Variants in ACACA observed in about 807,000 individuals in gnomAD.
ACACA encodes acetyl-CoA carboxylase alpha.
In ACACA, 103 loss-of-function variants were observed where a neutral mutation model predicts 296.1. That is an observed-to-expected ratio of 0.35 (90% CI 0.30 to 0.41). The LOEUF (loss-of-function observed/expected upper bound fraction) is 0.41, where lower values mean the gene tolerates loss of function less well. ACACA is among the 10% of genes least tolerant of loss of function. The pLI, the probability that ACACA is intolerant of heterozygous loss-of-function variation, is 1.00. For synonymous variants in ACACA, 953 were observed against 1,038.6 expected (o/e 0.92, Z 1.58); for missense variants, 1,554 against 2,989.7 (o/e 0.52, Z 11.20).
intron 38 of ACACA, 73 bp from the exon 39 acceptor site, chr17:37,188,553 T>G: frequency 1.3e-6 from 2 of 1,534,146 alleles, no homozygotes; most frequent in Non-Finnish European, 1.8e-6. Context: ...TCTGCTCATA[T>G]TTGAGAAAGA....
At chr17:37,107,478 GCCA>G (rs1423393683) in intron 52 of ACACA, among the ~76,000 whole-genome samples, 1 of 152,314 alleles carries the variant, frequency 6.6e-6, no homozygotes, top group Non-Finnish European at 1.5e-5. Context: ...ATCCTCACCT[GCCA>G]CCACAATGCT....
At chr17:37,106,348 G>A (rs2073685999) in intron 52 of ACACA, among the ~76,000 whole-genome samples, 1 of 152,066 alleles carries the variant, frequency 6.6e-6, no homozygotes, top group Non-Finnish European at 1.5e-5. Context: ...TTCTCCCAAT[G>A]TATCTAGCTT....
At chr17:37,162,715 C>A in intron 41 of ACACA, 1 of 235,010 alleles carries the variant, frequency 4.3e-6, no homozygotes, top group Non-Finnish European at 8.2e-6. Flanking sequence ...GCGAATCTTG[C>A]ACCTAATCAT....
At chr17:37,238,109 T>C (rs972718319) in intron 24 of ACACA, among the ~76,000 whole-genome samples, 23 of 152,274 alleles carry the variant, frequency 1.5e-4, no homozygotes, top group African/African-American at 5.5e-4. Context: ...AATCAATCTT[T>C]TCTTTTGTAG....
intron 1 of ACACA, among the ~76,000 whole-genome samples, chr17:37,390,173 T>TACACACACAC (rs1345364710): frequency 2.2e-5 from 1 of 44,972 alleles, no homozygotes; most frequent in African/African-American, 1.1e-4. Context: ...TATATATATA[T>TACACACACAC]ATACACACAC....
At chr17:37,127,792 C>T (rs2074864996) in intron 47 of ACACA, among the ~76,000 whole-genome samples, 1 of 146,822 alleles carries the variant, frequency 6.8e-6, no homozygotes, top group Non-Finnish European at 1.5e-5. Flanking sequence ...TGCAGTGAGC[C>T]GAGATCGCGC....
At chr17:37,162,622 G>T in intron 41 of ACACA, 1 of 276,840 alleles carries the variant, frequency 3.6e-6, no homozygotes, top group Non-Finnish European at 6.8e-6. Flanking sequence ...TGCTATGAAC[G>T]CCTTGGGCAC....
intron 16 of ACACA, among the ~76,000 whole-genome samples, chr17:37,250,054 G>A (rs1255574872): frequency 6.6e-6 from 1 of 152,150 alleles, no homozygotes; most frequent in African/African-American, 2.4e-5. Flanking sequence ...TGATTGTGAG[G>A]CCTCCCCAGC....
intron 24 of ACACA, 126 bp downstream of exon 24, chr17:37,240,350 G>A: frequency 1.3e-6 from 1 of 777,064 alleles, no homozygotes; most frequent in Non-Finnish European, 2.2e-6. Flanking sequence ...ATAGGAGACT[G>A]TTTATTAATG....
At chr17:37,349,242 G>A (rs1009829370) in intron 1 of ACACA, among the ~76,000 whole-genome samples, 1 of 150,234 alleles carries the variant, frequency 6.7e-6, no homozygotes, top group African/African-American at 2.4e-5. Context: ...TATATTTTTA[G>A]TAGAGATGAG....
At chr17:37,291,121 A>G (rs1269563980) in intron 3 of ACACA, among the ~76,000 whole-genome samples, 4 of 138,382 alleles carry the variant, frequency 2.9e-5, no homozygotes, top group Non-Finnish European at 6.1e-5. Context: ...ACTAACACTA[A>G]TGATAGCTGA....
intron 42 of ACACA, among the ~76,000 whole-genome samples, chr17:37,156,356 C>T (rs2076253170): frequency 6.6e-6 from 1 of 152,150 alleles, no homozygotes; most frequent in South Asian, 2.1e-4. Flanking sequence ...AGCCACTGCT[C>T]CCGGCCTCAT....
At chr17:37,373,041 C>T (rs2049862878) in intron 1 of ACACA, among the ~76,000 whole-genome samples, 1 of 151,752 alleles carries the variant, frequency 6.6e-6, no homozygotes, top group Admixed American at 6.6e-5. Flanking sequence ...CCACGACGCC[C>T]AGATAATTTT....
chr17:37,085,718 C>T lies in ACACA; in HGVS notation c.*1598G>A. 2.5e-6 allele frequency: 1 copy of T among 399,236 alleles called. No homozygotes were observed. Among genetic ancestry groups the T allele is most frequent in the Non-Finnish European group, 4.4e-6 (1 of 226,222 alleles). The allele number at this position is 399,236 out of a possible 1,614,324, so 24.7% of individuals were successfully genotyped here. On this transcript the variant is annotated 3_prime_UTR_variant, in exon 56 of 56. Coordinates refer to ENST00000616317, the MANE Select transcript of ACACA (RefSeq NM_198834.3). ...TACAGTGCCCACCTGCAACCCAGAA[C>T]CATTGAAAAGTCCAGCCAATCTATC...
At chr17:37,214,262 A>C (rs1419737016) in intron 29 of ACACA, among the ~76,000 whole-genome samples, 1 of 152,164 alleles carries the variant, frequency 6.6e-6, no homozygotes. Flanking sequence ...TGTAAAACAC[A>C]TCTGAACCAC....
At chr17:37,111,711 G>C (rs1233383961) in intron 51 of ACACA, 68 bp from the exon 52 acceptor site, 12 of 1,188,250 alleles carry the variant, frequency 1.0e-5, no homozygotes, top group Non-Finnish European at 1.5e-5. Flanking sequence ...ACAACAGAAT[G>C]AGGCCAGTTA....
chr17:37,091,394 G>A (rs1282482821), intron 54 of ACACA, among the ~76,000 whole-genome samples: 1 of 152,202 alleles, frequency 6.6e-6, no homozygotes, highest in Non-Finnish European at 1.5e-5. Context: ...TTACAGCCTA[G>A]AGTACATGAA....
At chr17:37,364,604 A>AT (rs2049540234) in intron 1 of ACACA, among the ~76,000 whole-genome samples, 1 of 116,630 alleles carries the variant, frequency 8.6e-6, no homozygotes, top group Non-Finnish European at 1.6e-5. Context: ...AAAAAAAAAA[A>AT]AGAAAAAGAA....
chr17:37,353,333 A>G (rs2048988759), intron 1 of ACACA, among the ~76,000 whole-genome samples: 1 of 152,100 alleles, frequency 6.6e-6, no homozygotes, highest in Non-Finnish European at 1.5e-5. Flanking sequence ...AACAGATTTG[A>G]AAAATGCTTA....
Sources: allele counts gnomAD v4.1 joint callset (sites outside exome capture counted in the v4.1 genomes callset), GRCh38; gene constraint gnomAD v4.1.1; transcripts MANE v1.5; gene names NCBI Gene and HGNC (gene_info 2026-07-23, HGNC 2026-07-21).